OLFM3: variants seen among roughly 807,000 people sequenced by gnomAD.
OLFM3 encodes noelin-3.
A neutral mutation model predicts 48.6 loss-of-function variants in OLFM3; 20 were observed. That is an observed-to-expected ratio of 0.41 (90% confidence interval 0.29 to 0.60). The LOEUF is 0.60. Ranked by LOEUF, OLFM3 falls within the 20% of genes least tolerant of loss-of-function variation. OLFM3 has a pLI of 0.28. For synonymous variants in OLFM3, 222 were observed against 198.1 expected (o/e 1.12, Z -1.01); for missense variants, 437 against 544.3 (o/e 0.80, Z 1.96).
chr1:101,821,596 A>C (rs2100890967), intron 4 of OLFM3, among the ~76,000 whole-genome samples: 1 of 152,178 alleles, frequency 6.6e-6, no homozygotes. Context: ...AATTGACCTA[A>C]ACATGTTGGG....
At chr1:101,938,869 T>C (rs1415108) in intron 1 of OLFM3, among the ~76,000 whole-genome samples, 62,571 of 151,934 alleles carry the variant, frequency 0.41, 13,252 homozygotes, top group East Asian at 0.51. Context: ...ACATGTTTGC[T>C]AGGATAAATC....
intron 1 of OLFM3, among the ~76,000 whole-genome samples, chr1:101,952,804 T>C (rs568875888): frequency 1.3e-5 from 2 of 151,702 alleles, no homozygotes; most frequent in African/African-American, 4.9e-5. Flanking sequence ...CTGAGCTATC[T>C]TTTTTAAAAA....
chr1:101,955,803 G>A (rs1660270755), intron 1 of OLFM3, among the ~76,000 whole-genome samples: 1 of 151,808 alleles, frequency 6.6e-6, no homozygotes. Flanking sequence ...GCTATACATA[G>A]TTACATCTAA....
chr1:101,906,902 A>T (rs1381602066), intron 1 of OLFM3, among the ~76,000 whole-genome samples: 1 of 152,224 alleles, frequency 6.6e-6, no homozygotes, highest in Admixed American at 6.5e-5. Flanking sequence ...ATGCATGCAT[A>T]CATATGTATA....
At chr1:101,953,049 G>C (rs939907277) in intron 1 of OLFM3, among the ~76,000 whole-genome samples, 2 of 152,038 alleles carry the variant, frequency 1.3e-5, no homozygotes, top group Non-Finnish European at 1.5e-5. Flanking sequence ...ATGCATGCTA[G>C]TTTCCAAGAC....
intron 1 of OLFM3, among the ~76,000 whole-genome samples, chr1:101,837,402 TTACTAA>T (rs1286036266): frequency 1.3e-5 from 2 of 152,136 alleles, no homozygotes. Context: ...TAAATGACAA[TTACTAA>T]TATTAATATA....
At chr1:101,862,887 T>C (rs1656710314) in intron 1 of OLFM3, among the ~76,000 whole-genome samples, 1 of 152,194 alleles carries the variant, frequency 6.6e-6, no homozygotes, top group South Asian at 2.1e-4. Context: ...AATATGATCT[T>C]GTACAGATTT....
intron 1 of OLFM3, among the ~76,000 whole-genome samples, chr1:101,876,880 G>C (rs1370275193): frequency 6.6e-6 from 1 of 151,822 alleles, no homozygotes; most frequent in African/African-American, 2.4e-5. Flanking sequence ...AAGTGGGATG[G>C]ACACAAGATT....
intron 1 of OLFM3, among the ~76,000 whole-genome samples, chr1:101,995,688 CTT>C (rs1164153263): frequency 1.3e-5 from 2 of 152,232 alleles, no homozygotes; most frequent in South Asian, 2.1e-4. Flanking sequence ...TGAAAGGAAA[CTT>C]AATTTGTCTA....
chr1:101,964,838 G>A (rs1422870811), intron 1 of OLFM3, among the ~76,000 whole-genome samples: 1 of 152,218 alleles, frequency 6.6e-6, no homozygotes, highest in Non-Finnish European at 1.5e-5. Context: ...ACAAACCAAG[G>A]GAAGAAAGTA....
At position 101,993,702 on chromosome 1, in the gene OLFM3, ATAAT is replaced by A. The variant is rs1357480122; in HGVS notation, c.69+3042_69+3045del. 5.3e-5 allele frequency among the ~76,000 whole-genome samples: 8 copies of A among 152,226 alleles called. No homozygotes were observed. In the East Asian group the frequency reaches 9.6e-4, roughly 18 times the overall value. On this transcript the variant is annotated intron_variant, in intron 1 of 5. Coordinates refer to ENST00000370103, the MANE Select transcript of OLFM3 (RefSeq NM_058170.4). ...ATCATCTGTCCCTATAAAAATACAA[ATAAT>A]TAATTAGTGTGGATTGCCTTCCTTT...
chr1:101,840,473 A>AG (rs1553172436), intron 1 of OLFM3, among the ~76,000 whole-genome samples: 7 of 143,444 alleles, frequency 4.9e-5, no homozygotes, highest in African/African-American at 1.0e-4. Flanking sequence ...TATTTCAGAG[A>AG]TTTTTTTTTT....
intron 1 of OLFM3, among the ~76,000 whole-genome samples, chr1:101,962,788 T>C (rs11164351): frequency 0.23 from 35,463 of 152,222 alleles, 4,531 homozygotes; most frequent in Middle Eastern, 0.33. Flanking sequence ...TTCTTTATCA[T>C]TTCAACCTGT....
intron 1 of OLFM3, among the ~76,000 whole-genome samples, chr1:101,943,256 G>T (rs980813626): frequency 2.6e-5 from 4 of 152,136 alleles, no homozygotes; most frequent in Non-Finnish European, 4.4e-5. Context: ...AGAGATGAGG[G>T]TTTCTTGAAA....
intron 1 of OLFM3, among the ~76,000 whole-genome samples, chr1:101,867,322 A>G (rs532354346): frequency 6.6e-6 from 1 of 152,328 alleles, no homozygotes; most frequent in African/African-American, 2.4e-5. Flanking sequence ...GAACCTCATC[A>G]CTAACATAAA....
chr1:101,858,496 G>A (rs568010451), intron 1 of OLFM3, among the ~76,000 whole-genome samples: 1 of 152,046 alleles, frequency 6.6e-6, no homozygotes, highest in African/African-American at 2.4e-5. Context: ...CCCATAATGT[G>A]TACAATGTGC....
At chr1:101,836,238 G>A (rs537826284) in intron 2 of OLFM3, among the ~76,000 whole-genome samples, 4 of 152,256 alleles carry the variant, frequency 2.6e-5, no homozygotes, top group South Asian at 2.1e-4. Context: ...TTGACAGAAC[G>A]ATTCATTGGT....
intron 1 of OLFM3, among the ~76,000 whole-genome samples, chr1:101,936,788 C>A (rs961935420): frequency 3.9e-5 from 6 of 151,920 alleles, no homozygotes; most frequent in Admixed American, 2.0e-4. Flanking sequence ...GAATAGAGAC[C>A]CCAGAAATAA....
chr1:101,861,155 G>A (rs892341113), intron 1 of OLFM3, among the ~76,000 whole-genome samples: 2 of 151,844 alleles, frequency 1.3e-5, no homozygotes, highest in Admixed American at 6.6e-5. Flanking sequence ...TCTGCTTCCC[G>A]GGTTCAAGCG....
Sources: gnomAD v4.1 joint callset for allele counts (sites outside exome capture counted in the v4.1 genomes callset) on GRCh38, gnomAD v4.1.1 for gene constraint, MANE v1.5 for transcripts, NCBI Gene and HGNC (gene_info 2026-07-23, HGNC 2026-07-21) for gene names.